Variants in CCDC33 observed in about 807,000 individuals in gnomAD.
CCDC33 encodes the protein coiled-coil domain containing 33.
Under a neutral mutation model 91.9 loss-of-function variants are expected in CCDC33, and 94 were observed. That is an observed-to-expected ratio of 1.02 (90% CI 0.87 to 1.21). CCDC33 has a LOEUF of 1.21. CCDC33 is among the 50% of genes most tolerant of loss of function. CCDC33 has a pLI of 0.00. For synonymous variants in CCDC33, 396 were observed against 374.5 expected (o/e 1.06, Z -0.66); for missense variants, 940 against 935.5 (o/e 1.00, Z -0.06).
At chr15:74,309,691 G>A (rs999520538) in intron 11 of CCDC33, among the ~76,000 whole-genome samples, 11 of 152,012 alleles carry the variant, frequency 7.2e-5, no homozygotes, top group Non-Finnish European at 1.0e-4. Context: ...CATCTCTCTC[G>A]GTCCCTCCAA....
At chr15:74,320,973 C>T (rs1019643630) in intron 11 of CCDC33, among the ~76,000 whole-genome samples, 21 of 152,152 alleles carry the variant, frequency 1.4e-4, no homozygotes, top group Admixed American at 1.4e-3. Context: ...ACTGAGAGGC[C>T]AGGGTCCCAG....
chr15:74,305,701 T>C (rs1402291050), intron 11 of CCDC33, among the ~76,000 whole-genome samples: 4 of 152,364 alleles, frequency 2.6e-5, no homozygotes, highest in Middle Eastern at 6.8e-3. Flanking sequence ...CATTCATTTC[T>C]GGTACATGCA....
intron 2 of CCDC33, among the ~76,000 whole-genome samples, chr15:74,251,909 T>C (rs1424447689): frequency 6.6e-6 from 1 of 152,196 alleles, no homozygotes; most frequent in East Asian, 1.9e-4. Flanking sequence ...ATACTCACCA[T>C]ACCCCTGAGA....
At chr15:74,271,824 GGAGGGCAGAGCA>G (rs1475438979) in intron 6 of CCDC33, 30 bp downstream of exon 6, 3 of 1,582,094 alleles carry the variant, frequency 1.9e-6, no homozygotes, top group Non-Finnish European at 1.7e-6. Context: ...ACCTGGGTGA[GGAGGGCAGAGCA>G]GAGGGCAGAG....
At chr15:74,250,413 G>A (rs1003782820) in intron 2 of CCDC33, among the ~76,000 whole-genome samples, 76 of 152,128 alleles carry the variant, frequency 5.0e-4, no homozygotes, top group South Asian at 4.2e-4. Context: ...ACATCTCTCC[G>A]TTCTCTGAGC....
intron 11 of CCDC33, 128 bp downstream of exon 11, chr15:74,296,076 C>T: frequency 1.3e-6 from 1 of 758,024 alleles, no homozygotes; most frequent in Non-Finnish European, 2.1e-6. Context: ...CTTAGGCACA[C>T]TCTGCATGTG....
chr15:74,249,323 A>G (rs1456166383), intron 2 of CCDC33, among the ~76,000 whole-genome samples: 1 of 151,814 alleles, frequency 6.6e-6, no homozygotes, highest in Non-Finnish European at 1.5e-5. Context: ...CGTCTCTACT[A>G]AAAATACAAA....
intron 2 of CCDC33, among the ~76,000 whole-genome samples, chr15:74,210,780 A>G (rs2074354769): frequency 6.6e-6 from 1 of 152,166 alleles, no homozygotes; most frequent in Non-Finnish European, 1.5e-5. Flanking sequence ...TAGACTAGGT[A>G]TTGGCCAGTG....
At chr15:74,270,112 C>T (rs931456834) in intron 5 of CCDC33, among the ~76,000 whole-genome samples, 4 of 152,238 alleles carry the variant, frequency 2.6e-5, no homozygotes, top group Non-Finnish European at 5.9e-5. Flanking sequence ...GTCTCCAGAG[C>T]CCTCAGTGAG....
chr15:74,293,352 G>A (rs1350929603), intron 10 of CCDC33, among the ~76,000 whole-genome samples: 1 of 152,160 alleles, frequency 6.6e-6, no homozygotes, highest in Admixed American at 6.5e-5. Context: ...CTGGTCAATG[G>A]GAAGGTGGTC....
chr15:74,331,049 G>C lies in CCDC33; in HGVS notation c.1614G>C (p.Lys538Asn). The change falls in exon 14 of 19, where the codon AAG becomes AAC. Residue 538 changes from lysine to asparagine, a missense_variant. Transcript: ENST00000398814. ...AGCAGCCACAGGCCGCTCTGCTGAA[G>C]CAGTACCAGGGCAAGCTGCAGAAGA... ...QAQQPQAALL[K>N]QYQGKLQKMK... The C allele has an allele frequency of 6.2e-7, 1 of 1,613,250 alleles. No individual in the cohort carries two copies. The highest frequency in any genetic ancestry group is 1.1e-5 in the South Asian group (1 of 90,900).
chr15:74,271,479 G>A lies in CCDC33; in HGVS notation c.547-224G>A, dbSNP rs112269864. Among the ~76,000 whole-genome samples the A allele has an allele frequency of 2.8e-4, 42 of 152,278 alleles. 1 individual carries two copies. Among genetic ancestry groups the A allele is most frequent in the African/African-American group, 7.9e-4 (33 of 41,556 alleles). On this transcript the variant is annotated intron_variant, in intron 5 of 18. Coordinates refer to ENST00000398814, the MANE Select transcript of CCDC33 (RefSeq NM_025055.5). ...ATTGGTAAATCCCAGGACAGAAAGC[G>A]GGAGCAGTTGCCTCAGCTCGGCAGA... is the stretch of plus-strand genomic sequence containing the variant.
Position 74,244,677 on chromosome 15 carries a change from G to A in CCDC33, c.185+529G>A, listed in dbSNP as rs541347378. On this transcript the variant is annotated intron_variant, in intron 2 of 18. Transcript: ENST00000398814. This position sits in a 1 kb window ranked among gnomAD's most constrained non-coding sequence, Gnocchi z 4.2. ...ACCCCCTCCAGCCAGCTGCTGTCAG[G>A]GTACACACTTCCCCAGCCTGGCACC... Among the ~76,000 whole-genome samples, 12 of 152,104 alleles carry A rather than the reference G, an allele frequency of 7.9e-5. No individual in the cohort carries two copies. In the South Asian group the frequency reaches 2.5e-3, roughly 32 times the overall value.
chr15:74,244,978 C>T lies in CCDC33; in HGVS notation c.185+830C>T, dbSNP rs2075474787. On this transcript the variant is annotated intron_variant, in intron 2 of 18. Transcript: ENST00000398814. This position sits in a 1 kb window ranked among gnomAD's most constrained non-coding sequence, Gnocchi z 4.2. Reference sequence around the variant, plus strand: ...CAGTTCCTGCCAAGAGTCTGTTGCCCACATTTCCTTTTGGGGAGTGCCTGC... The same window carrying T: ...CAGTTCCTGCCAAGAGTCTGTTGCCTACATTTCCTTTTGGGGAGTGCCTGC... 6.6e-6 allele frequency among the ~76,000 whole-genome samples: 1 copy of T among 152,148 alleles called. No individual in the cohort carries two copies. Among genetic ancestry groups the T allele is most frequent in the African/African-American group, 2.4e-5 (1 of 41,430 alleles).
chr15:74,329,756 T>A (rs965184887), intron 11 of CCDC33, among the ~76,000 whole-genome samples: 1 of 152,226 alleles, frequency 6.6e-6, no homozygotes, highest in Non-Finnish European at 1.5e-5. Flanking sequence ...TCTGAGAGGT[T>A]CTTCCCTGGG....
rs750363717 is a variant in CCDC33 at position 74,330,334 on chromosome 15, C to A, written c.1436C>A (p.Ala479Asp). The A allele has an allele frequency of 6.2e-6, 10 of 1,603,512 alleles. No individual in the cohort carries two copies. The South Asian group carries it at 1.0e-4, about 16-fold the overall frequency. Residue 479 changes from alanine to aspartate, a missense_variant, in exon 12 of 19, where the codon GCC becomes GAC. By Grantham distance (126) the Ala-to-Asp change is moderately radical. Transcript: ENST00000398814. ...QQEEEEGQGK[A>D]SEAQNTVSMK... ...GAGGAGGAAGAGGGGCAGGGCAAAG[C>A]CAGTGAGGCCCAGAACACGGGTGAG...
Position 74,335,026 on chromosome 15 carries a change from C to G in CCDC33, c.2077C>G (p.Arg693Gly). The stretch of plus-strand genomic sequence containing the variant: ...ACGAGAGAAGCAGGATCTGGCCACA[C>G]GGCTGCAGGAGCAAGAAAAAGGTTT... ...WGREKQDLAT[R>G]LQEQEKGFRH... is the part of the protein sequence containing the mutation. Residue 693 changes from arginine to glycine, a missense_variant, in exon 18 of 19, where the codon CGG becomes GGG. Transcript: ENST00000398814. The G allele has an allele frequency of 1.2e-6, 2 of 1,614,122 alleles. No homozygotes were observed. The highest frequency in any genetic ancestry group is 1.3e-5 in the African/African-American group (1 of 75,000).
upstream of CCDC33, among the ~76,000 whole-genome samples, chr15:74,216,770 G>A (rs2074458895): frequency 6.6e-6 from 1 of 150,446 alleles, no homozygotes; most frequent in South Asian, 2.1e-4. Flanking sequence ...ATATGAACAG[G>A]CTCTCCCAGA....
intron 2 of CCDC33, among the ~76,000 whole-genome samples, chr15:74,230,271 G>A (rs796343336): frequency 1.1e-4 from 16 of 152,228 alleles, no homozygotes; most frequent in African/African-American, 3.6e-4. Flanking sequence ...ACACAGGTTT[G>A]CTGGAAACAG....
Sources: gnomAD v4.1 joint callset for allele counts (sites outside exome capture counted in the v4.1 genomes callset) on GRCh38, gnomAD v4.1.1 for gene constraint, Gnocchi (gnomAD v3.1) non-coding constraint, MANE v1.5 for transcripts, NCBI Gene and HGNC (gene_info 2026-07-23, HGNC 2026-07-21) for gene names.